Variants in PIK3CG observed in about 807,000 individuals in gnomAD.
PIK3CG encodes phosphatidylinositol-4,5-bisphosphate 3-kinase catalytic subunit gamma, also known as phosphatidylinositol 4,5-bisphosphate 3-kinase catalytic subunit gamma isoform.
In PIK3CG, 55 loss-of-function variants were observed where a neutral mutation model predicts 102.3. The ratio of observed to expected loss-of-function variants is 0.54; its 90% CI spans 0.43 to 0.67. The LOEUF is 0.67. Ranked by LOEUF, PIK3CG falls within the 30% of genes least tolerant of loss-of-function variation. The pLI, the probability that PIK3CG is intolerant of heterozygous loss-of-function variation, is 0.00. For synonymous variants in PIK3CG, 552 were observed against 540.0 expected (o/e 1.02, Z -0.31); for missense variants, 1,258 against 1,391.8 (o/e 0.90, Z 1.53).
rs1437155201 is a variant in PIK3CG, at chr7:106,874,821, G to A, written c.2391+18G>A. 2 of 1,476,558 alleles carry A rather than the reference G, an allele frequency of 1.4e-6. No homozygotes were observed. Among genetic ancestry groups the A allele is most frequent in the South Asian group, 2.3e-5 (2 of 88,048 alleles). 91.5% of individuals were successfully genotyped at this position (1,476,558 alleles called of 1,614,324 possible). On this transcript the variant is annotated intron_variant, in intron 5 of 10. Coordinates refer to ENST00000496166, the MANE Select transcript of PIK3CG (RefSeq NM_001282426.2). The surrounding 1 kb of genome is among the most constrained non-coding windows in gnomAD (Gnocchi z 4.3). ...CGCTGGCAGTAGGTATCACTTGGAT[G>A]TCTCCATGTGGTCTTTATGTCTTGA...
In PIK3CG at chr7:106,875,100, C is replaced by T. The variant is rs141128712; in HGVS notation, c.2391+297C>T. Among the ~76,000 whole-genome samples, 1,056 of 152,226 alleles carry T rather than the reference C, an allele frequency of 6.9e-3. 15 individuals are homozygous for T. The highest frequency in any genetic ancestry group is 0.024 in the African/African-American group (1,014 of 41,536). On this transcript the variant is annotated intron_variant, in intron 5 of 10. Coordinates refer to ENST00000496166, the MANE Select transcript of PIK3CG (RefSeq NM_001282426.2). ...GCGCGGTAGCTCACGCCTGTAATCC[C>T]AGCACTTTGGGAGGCCGAGGCAGGC...
At position 106,882,172 on chromosome 7, in the gene PIK3CG, T is replaced by C; in HGVS notation, c.2594T>C (p.Leu865Pro). The change falls in exon 7 of 11, where the codon CTG becomes CCG. Residue 865 changes from leucine (L) to proline (P), a missense_variant. Leu to Pro is a moderately conservative substitution (Grantham distance 98). Around this residue, in one of 2 missense-constraint regions of PIK3CG, gnomAD observed 426 missense variants for 604.2 expected, o/e 0.71. Transcript: ENST00000496166. ...ACTGAATCTTTGGATCTATGCCTCC[T>C]GCCATATGGTTGCATTTCAACTGGT... ...WETESLDLCL[L>P]PYGCISTGDK... 1 of 1,580,992 alleles carries C rather than the reference T, an allele frequency of 6.3e-7. No homozygotes were observed. The highest frequency in any genetic ancestry group is 8.6e-7 in the Non-Finnish European group (1 of 1,163,334).
In PIK3CG at chr7:106,883,256, G is replaced by A. The variant is rs2116547702; in HGVS notation, c.2760+93G>A. 7.5e-7 allele frequency: 1 copy of A among 1,329,322 alleles called. No individual in the cohort carries two copies. Among genetic ancestry groups the A allele is most frequent in the South Asian group, 1.2e-5 (1 of 80,446 alleles). The allele number at this position is 1,329,322 out of a possible 1,614,324, so 82.3% of individuals were successfully genotyped here. ...TCAAGTTTTCAGAGAATCTGCCAGT[G>A]TCTTGCCTCCTGACATATTAGTGAA... On this transcript the variant is annotated intron_variant, in intron 8 of 10. Coordinates refer to ENST00000496166, the MANE Select transcript of PIK3CG (RefSeq NM_001282426.2). This position sits in a 1 kb window ranked among gnomAD's most constrained non-coding sequence, Gnocchi z 5.8.
chr7:106,897,895 C>G lies in PIK3CG; in HGVS notation c.3031-7214C>G, dbSNP rs564443841. On this transcript the variant is annotated intron_variant, in intron 10 of 10. Transcript: ENST00000496166. This position sits in a 1 kb window ranked among gnomAD's most constrained non-coding sequence, Gnocchi z 4.6. Reference sequence around the variant, plus strand: ...GATTTCTATTCCTCTGGGTATATACCCAGTAATGGGATTTCTGGATCAAAA... The same window carrying G: ...GATTTCTATTCCTCTGGGTATATACGCAGTAATGGGATTTCTGGATCAAAA... Among the ~76,000 whole-genome samples the G allele has an allele frequency of 7.9e-5, 12 of 152,214 alleles. No individual in the cohort carries two copies. The highest frequency in any genetic ancestry group is 2.9e-4 in the African/African-American group (12 of 41,534).
chr7:106,875,709 A>C (rs849367), intron 5 of PIK3CG, among the ~76,000 whole-genome samples: 15,084 of 152,168 alleles, frequency 0.099, 785 homozygotes, highest in Middle Eastern at 0.13. Flanking sequence ...CCTTGTATGG[A>C]TATACCACAG....
At position 106,894,867 on chromosome 7, in the gene PIK3CG, G is replaced by T. The variant is rs1791365456; in HGVS notation, c.3030+8575G>T. 6.6e-6 allele frequency among the ~76,000 whole-genome samples: 1 copy of T among 152,194 alleles called. No individual in the cohort carries two copies. The highest frequency in any genetic ancestry group is 2.4e-5 in the African/African-American group (1 of 41,448). On this transcript the variant is annotated intron_variant, in intron 10 of 10. Coordinates refer to ENST00000496166, the MANE Select transcript of PIK3CG (RefSeq NM_001282426.2). This position sits in a 1 kb window ranked among gnomAD's most constrained non-coding sequence, Gnocchi z 4.4. ...ATAAAAGTAGTTTGTTTTCAGTTTAGTGAACTGATAGTTGGGGCAGTTAGC... is the reference window on the plus strand; with the variant it reads ...ATAAAAGTAGTTTGTTTTCAGTTTATTGAACTGATAGTTGGGGCAGTTAGC...
rs1482224004 is a variant in PIK3CG, at chr7:106,895,480, C to G, written c.3030+9188C>G. Among the ~76,000 whole-genome samples the G allele has an allele frequency of 6.6e-6, 1 of 152,166 alleles. No individual in the cohort carries two copies. The highest frequency in any genetic ancestry group is 1.5e-5 in the Non-Finnish European group (1 of 68,020). ...CAGGGCAGGTGCTCGGCTGTGCCCC[C>G]CAGGGTGAGAGAACCACCTGCAGGA... On this transcript the variant is annotated intron_variant, in intron 10 of 10. Transcript: ENST00000496166. The surrounding 1 kb of genome is among the most constrained non-coding windows in gnomAD (Gnocchi z 5.4).
At position 106,891,866 on chromosome 7, in the gene PIK3CG, C is replaced by A. The variant is rs1379358449; in HGVS notation, c.3030+5574C>A. Among the ~76,000 whole-genome samples, 1 of 151,884 alleles carries A rather than the reference C, an allele frequency of 6.6e-6. No individual in the cohort carries two copies. ...CCTGTTTCCAGTTCCGCAGTCTTAT[C>A]CCCATGCCAGCGTATACCCAAGCCT... On this transcript the variant is annotated intron_variant, in intron 10 of 10. Transcript: ENST00000496166. This position sits in a 1 kb window ranked among gnomAD's most constrained non-coding sequence, Gnocchi z 4.4.
Position 106,869,630 on chromosome 7 carries a change from C to T in PIK3CG, c.1995+74C>T, listed in dbSNP as rs1199803262. 9 of 1,247,908 alleles carry T rather than the reference C, an allele frequency of 7.2e-6. No homozygotes were observed. The Admixed American group carries it at 2.1e-4, about 29-fold the overall frequency. 77.3% of individuals were successfully genotyped at this position (1,247,908 alleles called of 1,614,324 possible). On this transcript the variant is annotated intron_variant, in intron 2 of 10. Transcript: ENST00000496166. The surrounding 1 kb of genome is among the most constrained non-coding windows in gnomAD (Gnocchi z 5.3). ...TTTGCATATGCACAGGCACTCCATTCAGTTGTCATCAAATGCCCTTTGTTC... is the reference window on the plus strand; with the variant it reads ...TTTGCATATGCACAGGCACTCCATTTAGTTGTCATCAAATGCCCTTTGTTC...
At chr7:106,876,735 T>C (rs1584327266) in intron 5 of PIK3CG, among the ~76,000 whole-genome samples, 1 of 152,138 alleles carries the variant, frequency 6.6e-6, no homozygotes, top group Non-Finnish European at 1.5e-5. Context: ...TTATATAAAC[T>C]GGATACAAAT....
chr7:106,884,161 G>T lies in PIK3CG; in HGVS notation c.2767G>T (p.Ala923Ser), dbSNP rs2116551035. 6.2e-7 allele frequency: 1 copy of T among 1,610,012 alleles called. No individual in the cohort carries two copies. Among genetic ancestry groups the T allele is most frequent in the East Asian group, 2.2e-5 (1 of 44,792 alleles). ...TCAAATGCATTTTAATTAGTTTCAG[G>T]CAGCAGTGGAGAGATTTGTTTATTC... ...EKSPTEEKFQAAVERFVYSCA... is the reference protein window; with the variant it reads ...EKSPTEEKFQSAVERFVYSCA... Residue 923 changes from alanine to serine, a missense_variant, in exon 9 of 11, where the codon GCA becomes TCA. Physicochemically the swap from Ala to Ser is moderately conservative, Grantham distance 99. Around this residue, in one of 2 missense-constraint regions of PIK3CG, gnomAD observed 426 missense variants for 604.2 expected, o/e 0.71. Transcript: ENST00000496166. The surrounding 1 kb of genome is among the most constrained non-coding windows in gnomAD (Gnocchi z 4.2).
At chr7:106,865,825 G>T (rs1790261542) in intron 1 of PIK3CG, 1 of 152,172 alleles carries the variant, frequency 6.6e-6, no homozygotes, top group Admixed American at 6.5e-5. Context: ...AGATCGTTTG[G>T]TATCACTGAG....
At position 106,877,184 on chromosome 7, in the gene PIK3CG, C is replaced by T. The variant is rs1328595082; in HGVS notation, c.2392-2335C>T. Among the ~76,000 whole-genome samples, 1 of 152,174 alleles carries T rather than the reference C, an allele frequency of 6.6e-6. No individual in the cohort carries two copies. Among genetic ancestry groups the T allele is most frequent in the Admixed American group, 6.5e-5 (1 of 15,284 alleles). The stretch of plus-strand genomic sequence containing the variant: ...CTGCATTCCAACCTGGGCTACAGAG[C>T]GAGACCCTGTTTCAAAAGAAATGAA... On this transcript the variant is annotated intron_variant, in intron 5 of 10. Transcript: ENST00000496166. This position sits in a 1 kb window ranked among gnomAD's most constrained non-coding sequence, Gnocchi z 4.5.
rs764904645 is a variant in PIK3CG at position 106,868,266 on chromosome 7, C to A, written c.705C>A (p.Val235=). The A allele has an allele frequency of 6.2e-7, 1 of 1,613,736 alleles. No individual in the cohort carries two copies. Among genetic ancestry groups the A allele is most frequent in the Non-Finnish European group, 8.5e-7 (1 of 1,180,050 alleles). The change falls in exon 2 of 11, where the codon GTC becomes GTA. Residue 235 remains valine (V), a synonymous_variant. Transcript: ENST00000496166. This position sits in a 1 kb window ranked among gnomAD's most constrained non-coding sequence, Gnocchi z 6.2. ...HRSTTSQTIK[V]SPDDTPGAIL... ...GCACCACCAGCCAGACCATTAAGGT[C>A]TCACCCGACGACACCCCCGGCGCCA...
intron 1 of PIK3CG, chr7:106,865,660 G>A (rs1189030770): frequency 1.3e-5 from 2 of 152,228 alleles, no homozygotes; most frequent in African/African-American, 4.8e-5. Context: ...GGGAGGGCAC[G>A]GCAGCCAGGC....
intron 10 of PIK3CG, among the ~76,000 whole-genome samples, chr7:106,900,638 T>C (rs1791523160): frequency 6.6e-6 from 1 of 152,200 alleles, no homozygotes; most frequent in Non-Finnish European, 1.5e-5. Context: ...GTTTGTGTGG[T>C]TGCTTTACAG....
rs1434693416 is a variant in PIK3CG, at chr7:106,899,690, C to A, written c.3031-5419C>A. ...TATTGATTTGCGTATGTTGAACCAA[C>A]CTTACATCCTGGGGATGAAACCTAC... On this transcript the variant is annotated intron_variant, in intron 10 of 10. Coordinates refer to ENST00000496166, the MANE Select transcript of PIK3CG (RefSeq NM_001282426.2). This position sits in a 1 kb window ranked among gnomAD's most constrained non-coding sequence, Gnocchi z 4.6. Among the ~76,000 whole-genome samples the A allele has an allele frequency of 6.6e-6, 1 of 152,166 alleles. No individual in the cohort carries two copies. The highest frequency in any genetic ancestry group is 1.5e-5 in the Non-Finnish European group (1 of 68,030).
At chr7:106,878,393 T>C (rs1326490883) in intron 5 of PIK3CG, among the ~76,000 whole-genome samples, 1 of 152,242 alleles carries the variant, frequency 6.6e-6, no homozygotes, top group Non-Finnish European at 1.5e-5. Context: ...TTTGTGAGTT[T>C]ATAGTCTATC....
chr7:106,866,601 G>A (rs931457574), intron 1 of PIK3CG, among the ~76,000 whole-genome samples: 2 of 152,166 alleles, frequency 1.3e-5, no homozygotes, highest in Admixed American at 6.5e-5. Flanking sequence ...TTATTAAGTA[G>A]AGACAGATCA....
Sources: allele counts gnomAD v4.1 joint callset (sites outside exome capture counted in the v4.1 genomes callset), GRCh38; gene constraint gnomAD v4.1.1; regional missense constraint gnomAD v4.1.1; non-coding constraint Gnocchi (gnomAD v3.1); transcripts MANE v1.5; gene names NCBI Gene and HGNC (gene_info 2026-07-23, HGNC 2026-07-21).